HSPA12A: variants seen among roughly 807,000 people sequenced by gnomAD.
The protein encoded by HSPA12A is heat shock protein family A (Hsp70) member 12A.
HSPA12A carries 28 observed loss-of-function variants against 69.2 expected under a neutral mutation model. The observed-to-expected ratio is 0.40, with a 90% CI of 0.30 to 0.55. The LOEUF is 0.55. HSPA12A is among the 20% of genes least tolerant of loss of function. HSPA12A has a pLI of 0.38. For synonymous variants in HSPA12A, 345 were observed against 370.5 expected, an observed-to-expected ratio of 0.93 and a Z score of 0.79; for missense variants, 686 against 900.7, an observed-to-expected ratio of 0.76 and a Z score of 3.05.
At chr10:116,784,898 G>C (rs555023291) in intron 2 of HSPA12A, among the ~76,000 whole-genome samples, 1 of 152,302 alleles carries the variant, frequency 6.6e-6, no homozygotes, top group South Asian at 2.1e-4. Flanking sequence ...CTGAGGGCAC[G>C]TGTCTACAAC....
intron 2 of HSPA12A, among the ~76,000 whole-genome samples, chr10:116,780,767 G>C (rs1453642724): frequency 6.6e-6 from 1 of 152,060 alleles, no homozygotes; most frequent in South Asian, 2.1e-4. Flanking sequence ...ATTTTTAAGT[G>C]GATATTTCAA....
At chr10:116,808,638 C>A (rs1212397219) in intron 2 of HSPA12A, among the ~76,000 whole-genome samples, 1 of 152,134 alleles carries the variant, frequency 6.6e-6, no homozygotes, top group African/African-American at 2.4e-5. Flanking sequence ...TAATAATGCC[C>A]AGCGTGCATC....
chr10:116,768,139 C>T (rs559476823), intron 2 of HSPA12A, among the ~76,000 whole-genome samples: 22 of 152,158 alleles, frequency 1.4e-4, no homozygotes, highest in Non-Finnish European at 2.5e-4. Context: ...CAAATGTGTT[C>T]TCTCCATACA....
intron 5 of HSPA12A, among the ~76,000 whole-genome samples, chr10:116,693,982 C>T (rs913790821): frequency 6.6e-6 from 1 of 152,176 alleles, no homozygotes; most frequent in African/African-American, 2.4e-5. Flanking sequence ...TTTGAAAAAG[C>T]AGGTGAGGGT....
intron 2 of HSPA12A, among the ~76,000 whole-genome samples, chr10:116,820,328 T>A (rs924220360): frequency 6.6e-6 from 1 of 152,056 alleles, no homozygotes; most frequent in Non-Finnish European, 1.5e-5. Context: ...GGGACCATGA[T>A]GGGGTGGGAG....
chr10:116,701,473 A>G (rs1370330583), intron 3 of HSPA12A, among the ~76,000 whole-genome samples: 4 of 152,242 alleles, frequency 2.6e-5, no homozygotes, highest in African/African-American at 9.6e-5. Context: ...TGTATTTTTT[A>G]TTTGCAAGCA....
intron 1 of HSPA12A, 104 bp downstream of exon 1, chr10:116,742,326 C>T (rs1374634492): frequency 2.5e-6 from 3 of 1,216,674 alleles, no homozygotes; most frequent in Non-Finnish European, 3.2e-6. Context: ...CGGGCGTCCC[C>T]ACTTTTCCAC....
At chr10:116,705,347 G>T in intron 2 of HSPA12A, 69 bp from the exon 3 acceptor site, 1 of 1,571,224 alleles carries the variant, frequency 6.4e-7, no homozygotes, top group Non-Finnish European at 8.7e-7. Flanking sequence ...ACACCCCTGG[G>T]GGGTCTCACC....
At chr10:116,689,542 A>AT (rs1240656615) in intron 6 of HSPA12A, among the ~76,000 whole-genome samples, 2 of 152,170 alleles carry the variant, frequency 1.3e-5, no homozygotes, top group Non-Finnish European at 2.9e-5. Context: ...GCTGAGAACT[A>AT]TGTTCTGTGC....
intron 1 of HSPA12A, among the ~76,000 whole-genome samples, chr10:116,741,876 T>C (rs1851519767): frequency 6.6e-6 from 1 of 152,148 alleles, no homozygotes; most frequent in Non-Finnish European, 1.5e-5. Context: ...TGAGAAGCCC[T>C]TCGGCCGCAG....
At chr10:116,771,343 AGGGGCCCT>A (rs199549875) in intron 2 of HSPA12A, among the ~76,000 whole-genome samples, 2,992 of 152,302 alleles carry the variant, frequency 0.02, 86 homozygotes, top group African/African-American at 0.066. Flanking sequence ...AGGGGAGGAC[AGGGGCCCT>A]GACGAGATAC....
At chr10:116,694,868 T>C (rs1849840720) in intron 5 of HSPA12A, among the ~76,000 whole-genome samples, 1 of 152,142 alleles carries the variant, frequency 6.6e-6, no homozygotes, top group South Asian at 2.1e-4. Context: ...GGCTGACCCC[T>C]TCTCCAGTTC....
intron 4 of HSPA12A, among the ~76,000 whole-genome samples, chr10:116,699,828 T>C (rs1284214246): frequency 6.6e-6 from 1 of 152,230 alleles, no homozygotes; most frequent in African/African-American, 2.4e-5. Context: ...ATAGGAACAG[T>C]TCATTTCTAG....
intron 2 of HSPA12A, among the ~76,000 whole-genome samples, chr10:116,813,400 C>T (rs919193236): frequency 1.3e-5 from 2 of 151,800 alleles, no homozygotes; most frequent in Non-Finnish European, 2.9e-5. Flanking sequence ...GCACCCACCA[C>T]CACGCCCGGC....
At position 116,790,674 on chromosome 10, in the gene HSPA12A, C is replaced by T. The variant is rs576036518; in HGVS notation, c.91+44261G>A. Among the ~76,000 whole-genome samples, 4 of 152,170 alleles carry T rather than the reference C, an allele frequency of 2.6e-5. No homozygotes were observed. The South Asian group carries it at 8.3e-4, about 32-fold the overall frequency. On this transcript the variant is annotated intron_variant, in intron 2 of 12. Transcript: ENST00000635765. ...GACACTCTCCATTCCCAGACCCCATCTCATTGTCTAGTTATCATTTTTTAT... is the reference window on the plus strand; with the variant it reads ...GACACTCTCCATTCCCAGACCCCATTTCATTGTCTAGTTATCATTTTTTAT...
At chr10:116,799,860 G>C (rs1158812576) in intron 2 of HSPA12A, among the ~76,000 whole-genome samples, 1 of 152,178 alleles carries the variant, frequency 6.6e-6, no homozygotes, top group African/African-American at 2.4e-5. Flanking sequence ...TCATAGGCCA[G>C]GCCCTGTTCC....
At chr10:116,693,420 A>C (rs907327279) in intron 5 of HSPA12A, among the ~76,000 whole-genome samples, 4 of 152,212 alleles carry the variant, frequency 2.6e-5, no homozygotes, top group African/African-American at 9.6e-5. Flanking sequence ...TGGAGATCAT[A>C]AAACTAACTC....
At chr10:116,740,676 CTGT>C (rs1851468629) in intron 1 of HSPA12A, among the ~76,000 whole-genome samples, 1 of 92,164 alleles carries the variant, frequency 1.1e-5, no homozygotes, top group African/African-American at 4.3e-5. Context: ...GTGTGTGTGT[CTGT>C]GTGTGTGTGT....
At chr10:116,703,164 G>T (rs554733742) in intron 3 of HSPA12A, among the ~76,000 whole-genome samples, 3 of 152,130 alleles carry the variant, frequency 2.0e-5, no homozygotes, top group Non-Finnish European at 4.4e-5. Context: ...CACCAAGGGC[G>T]ATGCTGTCAA....
Sources: gnomAD v4.1 joint callset for allele counts (sites outside exome capture counted in the v4.1 genomes callset) on GRCh38, gnomAD v4.1.1 for gene constraint, MANE v1.5 for transcripts, NCBI Gene and HGNC (gene_info 2026-07-23, HGNC 2026-07-21) for gene names.